Variants in ZCCHC7 observed in about 807,000 individuals in gnomAD.
ZCCHC7 encodes zinc finger CCHC domain-containing protein 7.
ZCCHC7 carries 35 observed loss-of-function variants against 52.0 expected under a neutral mutation model. The ratio of observed to expected loss-of-function variants is 0.67; its 90% CI spans 0.51 to 0.89. ZCCHC7 has a LOEUF of 0.89. Among genes scored for constraint, ZCCHC7 ranks in the 40% least tolerant of loss-of-function variants. The probability of loss-of-function intolerance (pLI) is 0.00; values close to 1 mark genes in which losing one functional copy is unlikely to be tolerated. For synonymous variants in ZCCHC7, 217 were observed against 221.5 expected (o/e 0.98, Z 0.18); for missense variants, 574 against 649.1 (o/e 0.88, Z 1.26).
Position 37,343,681 on chromosome 9 carries a change from C to T in ZCCHC7, c.988-5676C>T, listed in dbSNP as rs116701730. ...TCAGTGTTTGTATCTACTTTCACCACCTTTATTGGTGCATAACTTATTTCC... is the reference window on the plus strand; with the variant it reads ...TCAGTGTTTGTATCTACTTTCACCATCTTTATTGGTGCATAACTTATTTCC... On this transcript the variant is annotated intron_variant, in intron 6 of 8. Coordinates refer to ENST00000336755, the MANE Select transcript of ZCCHC7 (RefSeq NM_032226.3). Among the ~76,000 whole-genome samples the T allele has an allele frequency of 7.4e-3, 1,134 of 152,288 alleles. 17 individuals are homozygous for T. The highest frequency in any genetic ancestry group is 0.026 in the African/African-American group (1,074 of 41,554).
intron 2 of ZCCHC7, among the ~76,000 whole-genome samples, chr9:37,202,367 C>G (rs1043953562): frequency 6.6e-6 from 1 of 152,172 alleles, no homozygotes; most frequent in African/African-American, 2.4e-5. Context: ...AAATTTAGCT[C>G]TCAGCTTTGG....
At chr9:37,157,703 A>C (rs933512494) in intron 2 of ZCCHC7, among the ~76,000 whole-genome samples, 1 of 152,232 alleles carries the variant, frequency 6.6e-6, no homozygotes, top group African/African-American at 2.4e-5. Flanking sequence ...GCTCAATATC[A>C]CTTTTCAGGG....
Position 37,120,622 on chromosome 9 carries a change from CAGTG to C in ZCCHC7, c.-22+3_-22+6del, listed in dbSNP as rs1440173972. 9 of 397,706 alleles carry C rather than the reference CAGTG, an allele frequency of 2.3e-5. No individual in the cohort carries two copies. The highest frequency in any genetic ancestry group is 4.4e-6 in the Non-Finnish European group (1 of 225,292). 24.6% of individuals were successfully genotyped at this position (397,706 alleles called of 1,614,324 possible). On this transcript the variant is annotated splice_donor_variant and splice_donor_region_variant and 5_prime_UTR_variant and intron_variant, in exon 1 of 9. Coordinates refer to ENST00000336755, the MANE Select transcript of ZCCHC7 (RefSeq NM_032226.3). LOFTEE classifies it low-confidence loss of function (5UTR_SPLICE). ...TGGTGCTTCCTGTTCGCAGCTGCGG[CAGTG>C]AGTATGTGTGTGACGGACCCCCGCC...
chr9:37,300,349 G>A (rs143601860), intron 2 of ZCCHC7, among the ~76,000 whole-genome samples: 1 of 152,340 alleles, frequency 6.6e-6, no homozygotes, highest in East Asian at 1.9e-4. Context: ...ACAAAAAGCA[G>A]CTTTGAAAGT....
At chr9:37,135,853 G>C (rs1461330859) in intron 2 of ZCCHC7, among the ~76,000 whole-genome samples, 1 of 152,174 alleles carries the variant, frequency 6.6e-6, no homozygotes, top group African/African-American at 2.4e-5. Context: ...TATACACACA[G>C]AAGTTTTGGA....
intron 2 of ZCCHC7, among the ~76,000 whole-genome samples, chr9:37,284,553 ATAT>A (rs1381275664): frequency 6.6e-6 from 1 of 152,006 alleles, no homozygotes; most frequent in East Asian, 1.9e-4. Context: ...AGGACATATT[ATAT>A]GTATTGGAAA....
chr9:37,310,030 G>T (rs966219311), intron 5 of ZCCHC7, among the ~76,000 whole-genome samples: 1 of 152,074 alleles, frequency 6.6e-6, no homozygotes, highest in African/African-American at 2.4e-5. Context: ...TATGCAAAGA[G>T]AATTTGTAGT....
chr9:37,311,056 T>TA (rs1829577729), intron 5 of ZCCHC7, among the ~76,000 whole-genome samples: 1 of 152,002 alleles, frequency 6.6e-6, no homozygotes, highest in African/African-American at 2.4e-5. Context: ...GTCAGCACTT[T>TA]AAAAAACCCC....
chr9:37,155,190 C>T (rs984289480), intron 2 of ZCCHC7, among the ~76,000 whole-genome samples: 2 of 152,052 alleles, frequency 1.3e-5, no homozygotes, highest in African/African-American at 4.8e-5. Flanking sequence ...GAAACCCTGT[C>T]TCTACTAAAA....
intron 2 of ZCCHC7, among the ~76,000 whole-genome samples, chr9:37,231,313 A>G (rs1192267389): frequency 6.6e-6 from 1 of 152,242 alleles, no homozygotes; most frequent in Non-Finnish European, 1.5e-5. Flanking sequence ...TCTTTCAATT[A>G]GAAGTTTAAG....
At chr9:37,132,043 A>G (rs1842806794) in intron 2 of ZCCHC7, among the ~76,000 whole-genome samples, 1 of 151,890 alleles carries the variant, frequency 6.6e-6, no homozygotes, top group Admixed American at 6.6e-5. Context: ...TATAAAAACT[A>G]TGCATGTTCT....
In ZCCHC7 at chr9:37,197,424, C is replaced by T. The variant is rs145681164; in HGVS notation, c.610+70482C>T. The stretch of plus-strand genomic sequence containing the variant: ...AGTTATAACAAAGTATAAAAAGAAC[C>T]GAGTTCACATTTATTGAAAATGTTG... On this transcript the variant is annotated intron_variant, in intron 2 of 8. Transcript: ENST00000336755. Among the ~76,000 whole-genome samples, 24 of 152,198 alleles carry T rather than the reference C, an allele frequency of 1.6e-4. No individual in the cohort carries two copies. The East Asian group carries it at 3.9e-3, about 24-fold the overall frequency.
chr9:37,142,834 C>T (rs1289217764), intron 2 of ZCCHC7, among the ~76,000 whole-genome samples: 1 of 151,742 alleles, frequency 6.6e-6, no homozygotes, highest in Admixed American at 6.6e-5. Flanking sequence ...GTATTCAGCA[C>T]ATCAAATCAA....
chr9:37,300,506 A>C (rs1401684590), intron 2 of ZCCHC7, among the ~76,000 whole-genome samples: 2 of 152,362 alleles, frequency 1.3e-5, no homozygotes, highest in Non-Finnish European at 2.9e-5. Flanking sequence ...AAAGAAAATA[A>C]TCATCAGCAC....
At chr9:37,321,543 C>T (rs1360769112) in intron 5 of ZCCHC7, among the ~76,000 whole-genome samples, 2 of 152,098 alleles carry the variant, frequency 1.3e-5, no homozygotes, top group African/African-American at 2.4e-5. Flanking sequence ...GTGAAAAGAT[C>T]GCCTGGGGCC....
intron 2 of ZCCHC7, among the ~76,000 whole-genome samples, chr9:37,202,578 C>T (rs1027561893): frequency 1.3e-5 from 2 of 152,136 alleles, no homozygotes; most frequent in African/African-American, 4.8e-5. Context: ...ACCTCTTGGG[C>T]TCAAGTGATC....
At chr9:37,336,435 TC>T (rs35048530) in intron 6 of ZCCHC7, among the ~76,000 whole-genome samples, 2 of 152,148 alleles carry the variant, frequency 1.3e-5, no homozygotes, top group Non-Finnish European at 2.9e-5. Context: ...GCTGTGGAAT[TC>T]CCTGCCTTTG....
intron 2 of ZCCHC7, among the ~76,000 whole-genome samples, chr9:37,164,084 CT>C (rs994648962): frequency 6.0e-5 from 9 of 149,542 alleles, no homozygotes; most frequent in Non-Finnish European, 8.9e-5. Context: ...AATCCTCCAA[CT>C]TTTTTTTTTC....
chr9:37,336,045 A>G (rs2118356100), intron 6 of ZCCHC7, among the ~76,000 whole-genome samples: 1 of 152,320 alleles, frequency 6.6e-6, no homozygotes, highest in East Asian at 1.9e-4. Flanking sequence ...TACCCCAATT[A>G]GAATACTTTC....
Sources: gnomAD v4.1 joint callset for allele counts (sites outside exome capture counted in the v4.1 genomes callset) on GRCh38, gnomAD v4.1.1 for gene constraint, MANE v1.5 for transcripts, NCBI Gene and HGNC (gene_info 2026-07-23, HGNC 2026-07-21) for gene names.